Variants in TMEM132C observed in about 807,000 individuals in gnomAD.
The protein encoded by TMEM132C is transmembrane protein 132C.
TMEM132C carries 29 observed loss-of-function variants against 61.4 expected under a neutral mutation model. The observed-to-expected ratio is 0.47, with a 90% confidence interval of 0.35 to 0.64. The LOEUF (loss-of-function observed/expected upper bound fraction) is 0.64. Ranked by LOEUF, TMEM132C falls within the 30% of genes least tolerant of loss-of-function variation. The pLI is 0.00. For synonymous variants in TMEM132C, 656 were observed against 633.1 expected (o/e 1.04, Z -0.54); for missense variants, 1,408 against 1,476.9 (o/e 0.95, Z 0.76).
At chr12:128,280,834 A>G (rs7965480) in intron 1 of TMEM132C, among the ~76,000 whole-genome samples, 76,809 of 151,950 alleles carry the variant, frequency 0.51, 19,794 homozygotes, top group African/African-American at 0.61. Flanking sequence ...TTTGTTTCAT[A>G]TGCCAGTTTC....
chr12:128,295,348 A>G (rs1425480899), intron 1 of TMEM132C, among the ~76,000 whole-genome samples: 3 of 152,144 alleles, frequency 2.0e-5, no homozygotes, highest in Non-Finnish European at 2.9e-5. Flanking sequence ...CAAAATAAAT[A>G]TTTGGTATAG....
At chr12:128,508,926 G>A (rs376256461) in intron 2 of TMEM132C, among the ~76,000 whole-genome samples, 69 of 152,224 alleles carry the variant, frequency 4.5e-4, no homozygotes, top group Middle Eastern at 6.8e-3. Context: ...ACAGTTATTC[G>A]TCTCCTAACA....
chr12:128,292,659 G>A (rs1375049898), intron 1 of TMEM132C, among the ~76,000 whole-genome samples: 1 of 85,716 alleles, frequency 1.2e-5, no homozygotes, highest in African/African-American at 4.1e-5. Context: ...CCTAGATGAG[G>A]TATTCATAAG....
At chr12:128,601,132 G>T (rs1197144173) in intron 3 of TMEM132C, among the ~76,000 whole-genome samples, 2 of 152,144 alleles carry the variant, frequency 1.3e-5, no homozygotes, top group Non-Finnish European at 2.9e-5. Context: ...GTCTTTCCTG[G>T]AAGGTCTCCA....
At chr12:128,675,831 TAGATAGA>T (rs1195376618) in intron 5 of TMEM132C, among the ~76,000 whole-genome samples, 2 of 143,284 alleles carry the variant, frequency 1.4e-5, no homozygotes, top group East Asian at 2.0e-4. Context: ...TAGATTTAGA[TAGATAGA>T]AGATAGATAG....
At chr12:128,692,884 T>C (rs1241765407) in intron 5 of TMEM132C, among the ~76,000 whole-genome samples, 4 of 152,220 alleles carry the variant, frequency 2.6e-5, no homozygotes, top group Non-Finnish European at 5.9e-5. Context: ...CTTTCTGCTT[T>C]GTCTCATCCC....
In TMEM132C at chr12:128,415,727, A is replaced by C. The variant is rs1868759364; in HGVS notation, c.974+107A>C. The C allele has an allele frequency of 1.5e-6, 2 of 1,327,432 alleles. No individual in the cohort carries two copies. Among genetic ancestry groups the C allele is most frequent in the African/African-American group, 3.0e-5 (2 of 67,552 alleles). The allele number at this position is 1,327,432 out of a possible 1,614,324, so 82.2% of individuals were successfully genotyped here. On this transcript the variant is annotated intron_variant, in intron 2 of 8. Transcript: ENST00000435159. This position sits in a 1 kb window ranked among gnomAD's most constrained non-coding sequence, Gnocchi z 5.8. ...GGAAGCATCGATTTTCACTACCTTCAGGGACCGTTTGGCATTAACAGGGGA... is the reference window on the plus strand; with the variant it reads ...GGAAGCATCGATTTTCACTACCTTCCGGGACCGTTTGGCATTAACAGGGGA...
chr12:128,614,462 TA>T (rs374515069), intron 3 of TMEM132C, among the ~76,000 whole-genome samples: 53 of 145,524 alleles, frequency 3.6e-4, no homozygotes, highest in East Asian at 2.6e-3. Context: ...ACAAACAAAT[TA>T]AAAAAAAAAA....
chr12:128,622,343 CAAAA>C (rs71069584), intron 4 of TMEM132C, among the ~76,000 whole-genome samples: 54 of 16,062 alleles, frequency 3.4e-3, no homozygotes, highest in African/African-American at 8.0e-3. Flanking sequence ...GACTTTGTCT[CAAAA>C]AAAAAAAAAA....
chr12:128,285,636 A>T, intron 1 of TMEM132C, among the ~76,000 whole-genome samples: 1 of 126,102 alleles, frequency 7.9e-6, no homozygotes, highest in South Asian at 2.4e-4. Flanking sequence ...GGACATATTC[A>T]TTCTCTCTCT....
Position 128,267,545 on chromosome 12 carries a change from G to A in TMEM132C, c.85+58G>A, listed in dbSNP as rs938658092. 29 of 1,204,160 alleles carry A rather than the reference G, an allele frequency of 2.4e-5. No individual in the cohort carries two copies. The African/African-American group carries it at 3.3e-4, about 14-fold the overall frequency. The allele number at this position is 1,204,160 out of a possible 1,614,324, so 74.6% of individuals were successfully genotyped here. A position where few individuals can be genotyped will look rare whatever the true frequency, so the allele number is the denominator to read the frequency against. Reference sequence around the variant, plus strand: ...GCATGCGAACTTCCCGGTTCCGGGGGAGCTCGGGGTGAGGGCAGCCGAAGC... The same window carrying A: ...GCATGCGAACTTCCCGGTTCCGGGGAAGCTCGGGGTGAGGGCAGCCGAAGC... On this transcript the variant is annotated intron_variant, in intron 1 of 8. Transcript: ENST00000435159.
At chr12:128,312,700 T>C (rs1270865267) in intron 1 of TMEM132C, among the ~76,000 whole-genome samples, 1 of 152,150 alleles carries the variant, frequency 6.6e-6, no homozygotes, top group Non-Finnish European at 1.5e-5. Context: ...CCTGAGAGCA[T>C]CCAGGAGAGT....
rs572437580 is a variant in TMEM132C at position 128,506,988 on chromosome 12, G to A, written c.975-36969G>A. ...GTGGCCACTTTTCCTACCACCCCAG[G>A]AGAGCATACCCTGAAAAGGAAGCCC... is the stretch of plus-strand genomic sequence containing the variant. On this transcript the variant is annotated intron_variant, in intron 2 of 8. Coordinates refer to ENST00000435159, the MANE Select transcript of TMEM132C (RefSeq NM_001136103.3). 6.6e-5 allele frequency among the ~76,000 whole-genome samples: 10 copies of A among 152,144 alleles called. No individual in the cohort carries two copies. In the South Asian group the frequency reaches 2.1e-3, roughly 32 times the overall value.
chr12:128,544,250 A>G (rs1873869334), intron 3 of TMEM132C, 147 bp downstream of exon 3: 4 of 1,213,588 alleles, frequency 3.3e-6, no homozygotes, highest in Non-Finnish European at 3.3e-6. Context: ...AGGCATTGAT[A>G]TCCATGCAGG....
intron 3 of TMEM132C, among the ~76,000 whole-genome samples, chr12:128,591,967 G>T (rs531647581): frequency 2.0e-5 from 3 of 149,560 alleles, no homozygotes; most frequent in South Asian, 2.1e-4. Context: ...CAGGAGAATC[G>T]CTTGAACCCG....
In TMEM132C at chr12:128,672,491, C is replaced by T. The variant is rs141046956; in HGVS notation, c.1449+2931C>T. 5.1e-3 allele frequency among the ~76,000 whole-genome samples: 774 copies of T among 152,276 alleles called. 31 individuals are homozygous for T. The highest frequency in any genetic ancestry group is 0.046 in the Admixed American group (697 of 15,302). ...GACAATTTTGACAGGAAGTCCATTA[C>T]TAATATCTCCAGGAATTATAATCAG... On this transcript the variant is annotated intron_variant, in intron 5 of 8. Coordinates refer to ENST00000435159, the MANE Select transcript of TMEM132C (RefSeq NM_001136103.3).
chr12:128,304,021 A>G (rs1871679126), intron 1 of TMEM132C, among the ~76,000 whole-genome samples: 1 of 152,038 alleles, frequency 6.6e-6, no homozygotes, highest in Non-Finnish European at 1.5e-5. Flanking sequence ...TCCCAGCAGA[A>G]CCCAGAATTA....
At chr12:128,618,965 A>T (rs1876901761) in intron 4 of TMEM132C, among the ~76,000 whole-genome samples, 1 of 152,210 alleles carries the variant, frequency 6.6e-6, no homozygotes, top group Admixed American at 6.5e-5. Flanking sequence ...AGGGACTTCT[A>T]TTCTCCTATT....
At chr12:128,544,179 ACTTGGACTCGC>A in intron 3 of TMEM132C, 76 bp downstream of exon 3, 1 of 1,434,774 alleles carries the variant, frequency 7.0e-7, no homozygotes, top group Non-Finnish European at 9.2e-7. Context: ...AAGAGCCTTG[ACTTGGACTCGC>A]GTGAGCGGCT....
Sources: gnomAD v4.1 joint callset for allele counts (sites outside exome capture counted in the v4.1 genomes callset) on GRCh38, gnomAD v4.1.1 for gene constraint, Gnocchi (gnomAD v3.1) non-coding constraint, MANE v1.5 for transcripts, NCBI Gene and HGNC (gene_info 2026-07-23, HGNC 2026-07-21) for gene names.